Variants in PLA2G4A observed in about 807,000 individuals in gnomAD.
PLA2G4A encodes cytosolic phospholipase A2.
In PLA2G4A, 40 loss-of-function variants were observed where a neutral mutation model predicts 81.9. The ratio of observed to expected loss-of-function variants is 0.49; its 90% confidence interval spans 0.38 to 0.64. PLA2G4A has a LOEUF of 0.64. PLA2G4A is among the 30% of genes least tolerant of loss of function. The probability of loss-of-function intolerance (pLI) is 0.00; values close to 1 mark genes in which losing one functional copy is unlikely to be tolerated. For synonymous variants in PLA2G4A, 302 were observed against 296.9 expected (o/e 1.02, Z -0.18); for missense variants, 715 against 905.1 (o/e 0.79, Z 2.69).
At chr1:186,888,996 T>C (rs1654037273) in intron 3 of PLA2G4A, among the ~76,000 whole-genome samples, 1 of 152,222 alleles carries the variant, frequency 6.6e-6, no homozygotes, top group Non-Finnish European at 1.5e-5. Flanking sequence ...CCAACTGCTA[T>C]TCTAAATATG....
At chr1:186,935,804 G>T (rs1295607449) in intron 8 of PLA2G4A, among the ~76,000 whole-genome samples, 1 of 151,896 alleles carries the variant, frequency 6.6e-6, no homozygotes, top group Non-Finnish European at 1.5e-5. Context: ...CCATTATTTG[G>T]TATAAGTGAG....
At chr1:186,871,661 G>A (rs1018079291) in intron 3 of PLA2G4A, among the ~76,000 whole-genome samples, 1 of 152,124 alleles carries the variant, frequency 6.6e-6, no homozygotes, top group African/African-American at 2.4e-5. Flanking sequence ...GATAACGGAG[G>A]TGGGGGCTGG....
chr1:186,940,000 C>T lies in PLA2G4A; in HGVS notation c.939C>T (p.Ser313=). Residue 313 remains serine, a synonymous_variant, in exon 10 of 18, where the codon AGC becomes AGT. Coordinates refer to ENST00000367466, the MANE Select transcript of PLA2G4A (RefSeq NM_024420.3). ...GACAGAGAATGAATACTACTCTGAG[C>T]AGTTTGAAGGAAAAAGTTAATACTG... ...LIHNRMNTTL[S]SLKEKVNTAQ... 3 of 1,557,062 alleles carry T rather than the reference C, an allele frequency of 1.9e-6. No homozygotes were observed. Among genetic ancestry groups the T allele is most frequent in the African/African-American group, 1.4e-5 (1 of 73,856 alleles).
chr1:186,980,554 C>T (rs1657687794), intron 17 of PLA2G4A, among the ~76,000 whole-genome samples: 1 of 152,142 alleles, frequency 6.6e-6, no homozygotes, highest in African/African-American at 2.4e-5. Flanking sequence ...GGCATCATGT[C>T]TGATTTACCA....
In PLA2G4A at chr1:186,894,200, AT is replaced by A; in HGVS notation, c.371del (p.Phe124SerfsTer9). On this transcript the variant is annotated frameshift_variant, in exon 5 of 18. Transcript: ENST00000367466. LOFTEE classifies it high-confidence loss of function. ...GGGAGAAAAGAAAGAAGTTCCTTTT[AT>A]TTTCAACCAAGTAAGTAACACTGCA... is the stretch of plus-strand genomic sequence containing the variant. Reference protein sequence around the residue: ...KVGEKKEVPFIFNQVTEMVLE... With the variant: ...KVGEKKEVPFXFNQVTEMVLE... 1 of 1,184,914 alleles carries A rather than the reference AT, an allele frequency of 8.4e-7. No individual in the cohort carries two copies. Among genetic ancestry groups the A allele is most frequent in the Non-Finnish European group, 1.3e-6 (1 of 787,544 alleles). 73.4% of individuals were successfully genotyped at this position (1,184,914 alleles called of 1,614,324 possible). A position where few individuals can be genotyped will look rare whatever the true frequency, so the allele number is the denominator to read the frequency against.
At position 186,927,674 on chromosome 1, in the gene PLA2G4A, T is replaced by C. The variant is rs186619083; in HGVS notation, c.559-5089T>C. On this transcript the variant is annotated intron_variant, in intron 7 of 17. Transcript: ENST00000367466. The stretch of plus-strand genomic sequence containing the variant: ...ACAAATAGACAGCTTTGGATGAAAA[T>C]AGAAGTAAAATATGGACCTTAAGTA... Among the ~76,000 whole-genome samples the C allele has an allele frequency of 3.9e-5, 6 of 152,206 alleles. No homozygotes were observed. The East Asian group carries it at 1.2e-3, about 29-fold the overall frequency.
chr1:186,966,118 TAAAAA>T (rs10609057), intron 15 of PLA2G4A, among the ~76,000 whole-genome samples: 25 of 119,502 alleles, frequency 2.1e-4, no homozygotes, highest in Admixed American at 3.4e-4. Flanking sequence ...GAGTGGAAGT[TAAAAA>T]AAAAAAAAAA....
intron 14 of PLA2G4A, among the ~76,000 whole-genome samples, chr1:186,961,919 A>G (rs1388215196): frequency 1.3e-5 from 2 of 152,156 alleles, no homozygotes; most frequent in Non-Finnish European, 2.9e-5. Flanking sequence ...AAAAAATAAA[A>G]ATTCCAGAAA....
At chr1:186,848,324 C>T (rs1235805861) in intron 1 of PLA2G4A, among the ~76,000 whole-genome samples, 2 of 152,154 alleles carry the variant, frequency 1.3e-5, no homozygotes, top group Non-Finnish European at 1.5e-5. Flanking sequence ...TTCTCGCTCT[C>T]TCTGCATCCT....
intron 1 of PLA2G4A, among the ~76,000 whole-genome samples, chr1:186,837,170 G>A (rs1651805799): frequency 6.6e-6 from 1 of 152,156 alleles, no homozygotes; most frequent in Admixed American, 6.5e-5. Context: ...TACTACATTT[G>A]GAAATTTGGA....
Position 186,893,155 on chromosome 1 carries a change from T to G in PLA2G4A, c.260T>G (p.Leu87Trp). The G allele has an allele frequency of 6.2e-7, 1 of 1,611,868 alleles. No individual in the cohort carries two copies. The highest frequency in any genetic ancestry group is 8.5e-7 in the Non-Finnish European group (1 of 1,178,016). ...FILDPNQENV[L>W]EITLMDANYV... ...TTGGATCCTAATCAGGAAAATGTTT[T>G]GGAGGTAAGTGAACCATTTGGATGC... The change falls in exon 4 of 18, where the codon TTG becomes TGG. Residue 87 changes from leucine (L) to tryptophan (W), a missense_variant. Leu to Trp is a moderately conservative substitution (Grantham distance 61, BLOSUM62 -2). Coordinates refer to ENST00000367466, the MANE Select transcript of PLA2G4A (RefSeq NM_024420.3).
At chr1:186,832,907 T>A (rs762551970) in intron 1 of PLA2G4A, among the ~76,000 whole-genome samples, 4 of 152,212 alleles carry the variant, frequency 2.6e-5, no homozygotes, top group Non-Finnish European at 4.4e-5. Context: ...TTTTAGTGTT[T>A]CCTGAAACCT....
At chr1:186,867,831 T>G (rs928498634) in intron 2 of PLA2G4A, among the ~76,000 whole-genome samples, 1 of 152,066 alleles carries the variant, frequency 6.6e-6, no homozygotes, top group East Asian at 1.9e-4. Context: ...TAATTATAGG[T>G]TTTTTGTAGA....
rs182900974 is a variant in PLA2G4A at position 186,960,457 on chromosome 1, A to G, written c.1579+4113A>G. Among the ~76,000 whole-genome samples, 626 of 152,332 alleles carry G rather than the reference A, an allele frequency of 4.1e-3. 4 individuals are homozygous for G. Among genetic ancestry groups the G allele is most frequent in the Non-Finnish European group, 6.4e-3 (438 of 68,010 alleles). On this transcript the variant is annotated intron_variant, in intron 14 of 17. Coordinates refer to ENST00000367466, the MANE Select transcript of PLA2G4A (RefSeq NM_024420.3). ...TCATTCACACGTTTAGAAACCTTGT[A>G]CGTTTTAAATTGTAGGAGGATATTC...
At chr1:186,976,690 T>A (rs565901926) in intron 15 of PLA2G4A, among the ~76,000 whole-genome samples, 1 of 152,304 alleles carries the variant, frequency 6.6e-6, no homozygotes, top group Admixed American at 6.5e-5. Flanking sequence ...TCCCTGAAGA[T>A]GCACATAATG....
At chr1:186,901,043 G>T (rs1370882823) in intron 5 of PLA2G4A, among the ~76,000 whole-genome samples, 1 of 152,152 alleles carries the variant, frequency 6.6e-6, no homozygotes, top group African/African-American at 2.4e-5. Context: ...TTAGTCTCAG[G>T]ATGATGTCAT....
chr1:186,970,983 G>A (rs1657338594), intron 15 of PLA2G4A, among the ~76,000 whole-genome samples: 2 of 151,690 alleles, frequency 1.3e-5, no homozygotes, highest in Admixed American at 6.6e-5. Context: ...CATTGGATCT[G>A]TAGATTGCTT....
intron 2 of PLA2G4A, among the ~76,000 whole-genome samples, chr1:186,857,584 T>C (rs1652636663): frequency 1.4e-5 from 2 of 144,166 alleles, no homozygotes; most frequent in South Asian, 4.2e-4. Context: ...AAATATAAAA[T>C]ATATTATATA....
intron 1 of PLA2G4A, among the ~76,000 whole-genome samples, chr1:186,841,208 A>G (rs887773490): frequency 6.6e-6 from 1 of 152,060 alleles, no homozygotes; most frequent in Admixed American, 6.5e-5. Context: ...TATAACTATG[A>G]TTCAAACCTA....
Sources: gnomAD v4.1 joint callset for allele counts (sites outside exome capture counted in the v4.1 genomes callset) on GRCh38, gnomAD v4.1.1 for gene constraint, MANE v1.5 for transcripts, NCBI Gene and HGNC (gene_info 2026-07-23, HGNC 2026-07-21) for gene names.